Variants in GCC2 observed in about 807,000 individuals in gnomAD.
GCC2 encodes GRIP and coiled-coil domain containing 2, also known as GRIP and coiled-coil domain-containing protein 2.
GCC2 carries 120 observed loss-of-function variants against 210.6 expected under a neutral mutation model. That is an observed-to-expected ratio of 0.57 (90% CI 0.49 to 0.66). The LOEUF (loss-of-function observed/expected upper bound fraction) is 0.66, where lower values mean the gene tolerates loss of function less well. GCC2 is among the 30% of genes least tolerant of loss of function. The probability of loss-of-function intolerance (pLI) is 0.00; values close to 1 mark genes in which losing one functional copy is unlikely to be tolerated. For synonymous variants in GCC2, 703 were observed against 652.7 expected, an observed-to-expected ratio of 1.08 and a Z score of -1.17; for missense variants, 1,868 against 1,871.9, an observed-to-expected ratio of 1.00 and a Z score of 0.04.
At chr2:108,464,060 G>A (rs534067417) in intron 4 of GCC2, among the ~76,000 whole-genome samples, 7 of 152,156 alleles carry the variant, frequency 4.6e-5, no homozygotes, top group South Asian at 2.1e-4. Context: ...TAGGTTCCTC[G>A]GTGGTGCGTA....
chr2:108,473,582 T>G (rs1248418815), intron 7 of GCC2, among the ~76,000 whole-genome samples: 1 of 152,162 alleles, frequency 6.6e-6, no homozygotes, highest in Non-Finnish European at 1.5e-5. Context: ...AGCTCTTTTA[T>G]TCCCATATAA....
At chr2:108,476,444 T>C (rs1280253954) in intron 9 of GCC2, among the ~76,000 whole-genome samples, 5 of 152,184 alleles carry the variant, frequency 3.3e-5, no homozygotes, top group Admixed American at 3.3e-4. Context: ...AGATAACCTA[T>C]TCCTACTGTG....
chr2:108,452,336 C>A, intron 3 of GCC2, 63 bp from the exon 4 acceptor site: 3 of 855,624 alleles, frequency 3.5e-6, no homozygotes, highest in Non-Finnish European at 6.0e-6. Flanking sequence ...ATGTACTTAT[C>A]AGTTTCCCAG....
At chr2:108,490,761 C>T (rs1012016389) in intron 18 of GCC2, among the ~76,000 whole-genome samples, 16 of 152,118 alleles carry the variant, frequency 1.1e-4, no homozygotes, top group African/African-American at 3.6e-4. Context: ...TGCCTATCAC[C>T]AGGGTTTACC....
intron 22 of GCC2, among the ~76,000 whole-genome samples, chr2:108,504,994 T>A (rs13408176): frequency 0.38 from 58,307 of 152,032 alleles, 12,696 homozygotes; most frequent in East Asian, 0.89. Context: ...TTTGATTTGC[T>A]GAGGATATAG....
rs1463390892 is a variant in GCC2 at position 108,470,106 on chromosome 2, T to G, written c.777T>G (p.Ile259Met). ...QEEVKELMCQ[I>M]EASAKEHEAE... ...AGGTGAAAGAGTTGATGTGCCAGAT[T>G]GAAGCATCAGCTAAGGAACATGAAG... The change falls in exon 6 of 23, where the codon ATT (isoleucine) becomes ATG (methionine). Residue 259 changes from isoleucine (I) to methionine (M), a missense_variant. Ile to Met is a conservative substitution (Grantham distance 10, BLOSUM62 1). Around this residue, in one of 3 missense-constraint regions of GCC2, gnomAD observed 1,847 missense variants for 1,765.2 expected, o/e 1.05. Coordinates refer to ENST00000309863, the MANE Select transcript of GCC2 (RefSeq NM_181453.4). 1.2e-6 allele frequency: 2 copies of G among 1,613,638 alleles called. No homozygotes were observed. The highest frequency in any genetic ancestry group is 1.7e-6 in the Non-Finnish European group (2 of 1,179,818).
At position 108,508,687 on chromosome 2, in the gene GCC2, CACCTT is replaced by C. The variant is rs1461001445; in HGVS notation, c.*1059_*1063del. 6.6e-6 allele frequency: 1 copy of C among 152,444 alleles called. No individual in the cohort carries two copies. The allele number at this position is 152,444 out of a possible 1,614,324, so 9.4% of individuals were successfully genotyped here. On this transcript the variant is annotated 3_prime_UTR_variant, in exon 23 of 23. Transcript: ENST00000309863. ...GCTTTCCATCAGAAGGGATTTTAGA[CACCTT>C]AGAGGTCCGTGCTACATCGTCACAG...
At chr2:108,494,005 C>T (rs1325095728) in intron 19 of GCC2, 1 of 775,606 alleles carries the variant, frequency 1.3e-6, no homozygotes, top group Non-Finnish European at 1.6e-6. Context: ...AGACCTTGGG[C>T]AAAGTCATTA....
intron 21 of GCC2, among the ~76,000 whole-genome samples, chr2:108,498,973 C>T (rs376907744): frequency 0.014 from 2,009 of 148,710 alleles, 23 homozygotes; most frequent in Middle Eastern, 0.044. Context: ...CAGTTAGTTG[C>T]TCCTCATGGA....
chr2:108,486,463 T>C (rs752900565), intron 15 of GCC2, 48 bp from the exon 16 acceptor site: 1 of 1,593,450 alleles, frequency 6.3e-7, no homozygotes, highest in Non-Finnish European at 8.6e-7. Flanking sequence ...CCTCTTTAAC[T>C]AGTGAAGATA....
intron 4 of GCC2, among the ~76,000 whole-genome samples, chr2:108,455,993 T>C (rs1032667984): frequency 6.6e-6 from 1 of 152,194 alleles, no homozygotes; most frequent in South Asian, 2.1e-4. Flanking sequence ...CCAACTGTTT[T>C]CTTTTTTTTG....
At chr2:108,461,579 C>T (rs1484723808) in intron 4 of GCC2, among the ~76,000 whole-genome samples, 1 of 152,088 alleles carries the variant, frequency 6.6e-6, no homozygotes, top group Admixed American at 6.5e-5. Context: ...AATCTTGGCT[C>T]ACTGCACCCT....
chr2:108,500,834 T>G (rs1345945154), intron 22 of GCC2, among the ~76,000 whole-genome samples: 1 of 152,144 alleles, frequency 6.6e-6, no homozygotes, highest in Non-Finnish European at 1.5e-5. Flanking sequence ...CCACACATCA[T>G]TTCTTTCCCC....
In GCC2 at chr2:108,470,404, A is replaced by G. The variant is rs758866357; in HGVS notation, c.1075A>G (p.Asn359Asp). The stretch of plus-strand genomic sequence containing the variant: ...CTTAAAAGATGAGGTAACTTATATG[A>G]ATAATCTTAAGTTAAAACTTGAAAT... ...SILKDEVTYMNNLKLKLEMDA... is the reference protein window; with the variant it reads ...SILKDEVTYMDNLKLKLEMDA... Residue 359 changes from asparagine to aspartate, a missense_variant, in exon 6 of 23, where the codon AAT becomes GAT. Transcript: ENST00000309863. 5.6e-6 allele frequency: 9 copies of G among 1,606,098 alleles called. No homozygotes were observed. The Admixed American group carries it at 1.3e-4, about 24-fold the overall frequency.
chr2:108,495,170 A>G (rs918044907), intron 19 of GCC2, 121 bp from the exon 20 acceptor site: 2 of 580,106 alleles, frequency 3.4e-6, no homozygotes, highest in African/African-American at 1.9e-5. Flanking sequence ...CACTTATCTT[A>G]TAGTTACTTA....
At chr2:108,507,101 A>G (rs1270424665) in intron 22 of GCC2, among the ~76,000 whole-genome samples, 11 of 152,200 alleles carry the variant, frequency 7.2e-5, no homozygotes, top group Non-Finnish European at 1.5e-5. Context: ...GTGTGTCTAA[A>G]GAATGACATA....
intron 19 of GCC2, chr2:108,493,561 C>T (rs1269916010): frequency 1.0e-6 from 1 of 985,292 alleles, no homozygotes; most frequent in African/African-American, 1.7e-5. Context: ...TTTGCTTTCA[C>T]ATTTACAATT....
At position 108,451,072 on chromosome 2, in the gene GCC2, A is replaced by G. The variant is rs1207685229; in HGVS notation, c.108A>G (p.Lys36=). 1.9e-6 allele frequency: 3 copies of G among 1,612,858 alleles called. No homozygotes were observed. Among genetic ancestry groups the G allele is most frequent in the Admixed American group, 3.3e-5 (2 of 59,996 alleles). ...PKEDLIKFAK[K]QMMLIQKAKS... is the part of the protein sequence containing the mutation. ...AAGACCTCATCAAGTTTGCCAAGAA[A>G]CAGATGATGCTAATACAGAAAGCTA... is the stretch of plus-strand genomic sequence containing the variant. Residue 36 remains lysine (K), a synonymous_variant, in exon 3 of 23, where the codon AAA becomes AAG. Transcript: ENST00000309863.
intron 21 of GCC2, among the ~76,000 whole-genome samples, chr2:108,497,310 G>C (rs1054594421): frequency 6.6e-6 from 1 of 152,210 alleles, no homozygotes; most frequent in Admixed American, 6.5e-5. Context: ...GTAGAGACAG[G>C]GTTTACCATG....
Sources: gnomAD v4.1 joint callset for allele counts (sites outside exome capture counted in the v4.1 genomes callset) on GRCh38, gnomAD v4.1.1 for gene constraint, gnomAD v4.1.1 regional missense constraint, MANE v1.5 for transcripts, NCBI Gene and HGNC (gene_info 2026-07-23, HGNC 2026-07-21) for gene names.